SEZ6L: variants seen among roughly 807,000 people sequenced by gnomAD.
SEZ6L encodes seizure 6-like protein.
Under a neutral mutation model 106.2 loss-of-function variants are expected in SEZ6L, and 37 were observed. That is an observed-to-expected ratio of 0.35 (90% CI 0.27 to 0.46). SEZ6L has a LOEUF of 0.46. Ranked by LOEUF, SEZ6L falls within the 20% of genes least tolerant of loss-of-function variation. The pLI, the probability that SEZ6L is intolerant of heterozygous loss-of-function variation, is 1.00. For missense variants in SEZ6L, 1,172 were observed against 1,332.8 expected, an observed-to-expected ratio of 0.88 and a Z score of 1.88; for synonymous variants, 541 against 570.4, an observed-to-expected ratio of 0.95 and a Z score of 0.73.
At chr22:26,347,989 C>A in intron 11 of SEZ6L, 76 bp downstream of exon 11, 1 of 1,209,160 alleles carries the variant, frequency 8.3e-7, no homozygotes, top group Non-Finnish European at 1.1e-6. Context: ...TTGGTGGGTG[C>A]AGTGGAGCTG....
chr22:26,351,985 C>T (rs1026813725), intron 12 of SEZ6L, among the ~76,000 whole-genome samples: 1 of 151,850 alleles, frequency 6.6e-6, no homozygotes, highest in Non-Finnish European at 1.5e-5. Flanking sequence ...ATGGCGAAAC[C>T]CTGTCTCTAC....
intron 1 of SEZ6L, among the ~76,000 whole-genome samples, chr22:26,192,305 T>C (rs762076246): frequency 4.6e-5 from 7 of 152,248 alleles, no homozygotes; most frequent in Non-Finnish European, 1.0e-4. Flanking sequence ...TGGTTTGATC[T>C]AAGCAGTATT....
At chr22:26,333,312 G>A (rs2082546007) in intron 9 of SEZ6L, among the ~76,000 whole-genome samples, 1 of 152,192 alleles carries the variant, frequency 6.6e-6, no homozygotes, top group Admixed American at 6.5e-5. Context: ...CTTGACTCTA[G>A]TGACCTACAT....
At position 26,245,722 on chromosome 22, in the gene SEZ6L, C is replaced by T. The variant is rs544638279; in HGVS notation, c.95-46684C>T. On this transcript the variant is annotated intron_variant, in intron 1 of 16. Transcript: ENST00000248933. Reference sequence around the variant, plus strand: ...GAGTGGCCGCTGATTGATGTGTGACCTTGAGAAAGTCACTTCCCTTCTCTT... The same window carrying T: ...GAGTGGCCGCTGATTGATGTGTGACTTTGAGAAAGTCACTTCCCTTCTCTT... Among the ~76,000 whole-genome samples the T allele has an allele frequency of 9.8e-4, 149 of 152,288 alleles. 1 individual carries two copies. Among genetic ancestry groups the T allele is most frequent in the Admixed American group, 3.0e-3 (46 of 15,302 alleles).
At position 26,310,730 on chromosome 22, in the gene SEZ6L, C is replaced by A; in HGVS notation, c.1575C>A (p.Thr525=). 6.2e-7 allele frequency: 1 copy of A among 1,614,146 alleles called. No individual in the cohort carries two copies. The highest frequency in any genetic ancestry group is 8.5e-7 in the Non-Finnish European group (1 of 1,180,024). ...KSALLYDSLQ[T]ESVPFEGLLS... ...CTCTTCTCTACGACTCCCTTCAAAC[C>A]GAGAGTGTCCCTTTTGAGGGCCTGC... Residue 525 remains threonine (T), a synonymous_variant, in exon 7 of 17, where the codon ACC becomes ACA. Transcript: ENST00000248933.
chr22:26,348,042 A>T, intron 11 of SEZ6L, 129 bp downstream of exon 11: 1 of 682,550 alleles, frequency 1.5e-6, no homozygotes, highest in Non-Finnish European at 2.3e-6. Flanking sequence ...CCAATTCACG[A>T]GCATTGCTCA....
At chr22:26,312,017 G>A (rs1450060181) in intron 8 of SEZ6L, 55 bp downstream of exon 8, 3 of 1,547,152 alleles carry the variant, frequency 1.9e-6, no homozygotes, top group Admixed American at 1.7e-5. Context: ...CCACCCTTTG[G>A]ATGAGAAGAC....
chr22:26,304,136 G>A (rs2081536784), intron 5 of SEZ6L, among the ~76,000 whole-genome samples: 1 of 151,948 alleles, frequency 6.6e-6, no homozygotes, highest in Non-Finnish European at 1.5e-5. Flanking sequence ...GGTGGATCAC[G>A]AGGTCAGGAG....
At chr22:26,281,610 C>T (rs1409296273) in intron 1 of SEZ6L, among the ~76,000 whole-genome samples, 1 of 152,126 alleles carries the variant, frequency 6.6e-6, no homozygotes, top group Non-Finnish European at 1.5e-5. Flanking sequence ...GATCTCCTGA[C>T]CTCGTGGTCC....
intron 1 of SEZ6L, among the ~76,000 whole-genome samples, chr22:26,238,116 C>G (rs2145761897): frequency 6.6e-6 from 1 of 152,290 alleles, no homozygotes; most frequent in East Asian, 1.9e-4. Context: ...TTGAGCAAAT[C>G]ATGTCCCTAT....
intron 1 of SEZ6L, among the ~76,000 whole-genome samples, chr22:26,178,176 G>C (rs940814391): frequency 1.3e-5 from 2 of 152,154 alleles, no homozygotes; most frequent in Non-Finnish European, 2.9e-5. Flanking sequence ...CATGAAAGAG[G>C]CTTTGGTAGA....
chr22:26,320,958 G>A (rs1260639994), intron 9 of SEZ6L, among the ~76,000 whole-genome samples: 1 of 152,132 alleles, frequency 6.6e-6, no homozygotes, highest in Non-Finnish European at 1.5e-5. Context: ...AAATATCAAC[G>A]GTGTTGAAGC....
At chr22:26,183,227 C>T (rs1336487367) in intron 1 of SEZ6L, among the ~76,000 whole-genome samples, 1 of 152,162 alleles carries the variant, frequency 6.6e-6, no homozygotes, top group East Asian at 1.9e-4. Flanking sequence ...CATCCAAGAC[C>T]TACTTTCTCT....
chr22:26,275,632 G>A (rs1328809362), intron 1 of SEZ6L, among the ~76,000 whole-genome samples: 2 of 152,190 alleles, frequency 1.3e-5, no homozygotes, highest in African/African-American at 2.4e-5. Flanking sequence ...AGCTTTCTCT[G>A]TCATACCACA....
At chr22:26,361,671 TAAC>T (rs1055915043) in intron 12 of SEZ6L, among the ~76,000 whole-genome samples, 1 of 152,140 alleles carries the variant, frequency 6.6e-6, no homozygotes, top group South Asian at 2.1e-4. Context: ...TTTATTCTCA[TAAC>T]AACACCTTGA....
chr22:26,383,369 A>G lies in SEZ6L; in HGVS notation c.*3074A>G, dbSNP rs1002456380. On this transcript the variant is annotated 3_prime_UTR_variant, in exon 17 of 17. Transcript: ENST00000248933. ...AAAAATGCCCTTCGAGTGAATCCGAAGGGCATGATCTTCCTATGTCCTTGA... is the reference window on the plus strand; with the variant it reads ...AAAAATGCCCTTCGAGTGAATCCGAGGGGCATGATCTTCCTATGTCCTTGA... 7 of 152,070 alleles carry G rather than the reference A, an allele frequency of 4.6e-5. No homozygotes were observed. Among genetic ancestry groups the G allele is most frequent in the African/African-American group, 1.7e-4 (7 of 41,420 alleles). 9.4% of individuals were successfully genotyped at this position (152,070 alleles called of 1,614,324 possible).
intron 9 of SEZ6L, among the ~76,000 whole-genome samples, chr22:26,328,070 T>C (rs934470879): frequency 1.3e-5 from 2 of 152,158 alleles, no homozygotes; most frequent in African/African-American, 4.8e-5. Context: ...GGTCCAACCT[T>C]CTCCACAGAG....
intron 9 of SEZ6L, among the ~76,000 whole-genome samples, chr22:26,331,302 CA>C (rs779525640): frequency 2.6e-5 from 4 of 152,204 alleles, no homozygotes; most frequent in South Asian, 4.1e-4. Context: ...CCAGTGAAAG[CA>C]ATGAGGGTCC....
chr22:26,304,731 A>G (rs897642536), intron 5 of SEZ6L, among the ~76,000 whole-genome samples: 1 of 152,236 alleles, frequency 6.6e-6, no homozygotes, highest in Non-Finnish European at 1.5e-5. Flanking sequence ...GCTTATTAAA[A>G]TAGGTATGGC....
Sources: gnomAD v4.1 joint callset for allele counts (sites outside exome capture counted in the v4.1 genomes callset) on GRCh38, gnomAD v4.1.1 for gene constraint, MANE v1.5 for transcripts, NCBI Gene and HGNC (gene_info 2026-07-23, HGNC 2026-07-21) for gene names.